The following TNFAIP3 variants were observed in gnomAD, a reference collection of about 807,000 sequenced individuals.
TNFAIP3 encodes the protein tumor necrosis factor alpha-induced protein 3.
TNFAIP3 carries 9 observed loss-of-function variants against 72.4 expected under a neutral mutation model. The ratio of observed to expected loss-of-function variants is 0.12; its 90% CI spans 0.07 to 0.22. The LOEUF is 0.22. TNFAIP3 is among the 10% of genes least tolerant of loss of function. TNFAIP3 has a pLI of 1.00. For synonymous variants in TNFAIP3, 339 were observed against 372.6 expected, an observed-to-expected ratio of 0.91 and a Z score of 1.04; for missense variants, 833 against 1,018.7, an observed-to-expected ratio of 0.82 and a Z score of 2.48.
At chr6:137,875,919 G>A (rs1271546613) in intron 4 of TNFAIP3, 77 bp from the exon 5 acceptor site, 2 of 1,601,674 alleles carry the variant, frequency 1.2e-6, no homozygotes, top group Non-Finnish European at 1.7e-6. Flanking sequence ...CACTGCCAAA[G>A]TTCAGGTAAC....
At chr6:137,870,498 T>C (rs1452483409) in intron 1 of TNFAIP3, among the ~76,000 whole-genome samples, 1 of 152,194 alleles carries the variant, frequency 6.6e-6, no homozygotes, top group East Asian at 1.9e-4. Flanking sequence ...GCTCTTAAAA[T>C]TGCAAAGCAT....
At chr6:137,870,766 G>A (rs1776031777) in intron 1 of TNFAIP3, among the ~76,000 whole-genome samples, 2 of 152,284 alleles carry the variant, frequency 1.3e-5, no homozygotes, top group Admixed American at 1.3e-4. Context: ...GTGGTCTGAG[G>A]GGAGGAGCTA....
chr6:137,880,266 A>G lies in TNFAIP3; in HGVS notation c.2088+14A>G. ...GAAGAGCAACTGGTGAGACACTTGG[A>G]GGAGCTTTCCCTCCCTCCCGTGTGT... On this transcript the variant is annotated intron_variant, in intron 8 of 8. Coordinates refer to ENST00000612899, the MANE Select transcript of TNFAIP3 (RefSeq NM_001270508.2). 2 of 1,613,900 alleles carry G rather than the reference A, an allele frequency of 1.2e-6. No homozygotes were observed. Among genetic ancestry groups the G allele is most frequent in the Non-Finnish European group, 1.7e-6 (2 of 1,179,996 alleles).
chr6:137,874,695 A>T (rs1368474885), intron 2 of TNFAIP3, 150 bp from the exon 3 acceptor site: 20 of 643,470 alleles, frequency 3.1e-5, no homozygotes, highest in Middle Eastern at 4.4e-4. Flanking sequence ...CTTGTGAAAT[A>T]TCAGTTTGCC....
Position 137,879,173 on chromosome 6 carries a change from G to T in TNFAIP3, c.1728G>T (p.Pro576=), listed in dbSNP as rs140120540. 6.2e-7 allele frequency: 1 copy of T among 1,613,944 alleles called. No homozygotes were observed. The highest frequency in any genetic ancestry group is 8.5e-7 in the Non-Finnish European group (1 of 1,180,016). ...DPSRLVRSPS[P]HSCHRAGNDA... is the part of the protein sequence containing the mutation. Reference sequence around the variant, plus strand: ...CGCGGCTCGTCCGGAGCCCCTCCCCGCATTCTTGCCACAGAGCTGGAAACG... The same window carrying T: ...CGCGGCTCGTCCGGAGCCCCTCCCCTCATTCTTGCCACAGAGCTGGAAACG... The change falls in exon 7 of 9, where the codon CCG becomes CCT. Residue 576 remains proline (P), a synonymous_variant. Coordinates refer to ENST00000612899, the MANE Select transcript of TNFAIP3 (RefSeq NM_001270508.2).
At chr6:137,868,526 G>A (rs1478873904) in intron 1 of TNFAIP3, among the ~76,000 whole-genome samples, 1 of 151,848 alleles carries the variant, frequency 6.6e-6, no homozygotes, top group Non-Finnish European at 1.5e-5. Context: ...ATTTGGATGA[G>A]GTATTTGTTG....
rs1776508670 is a variant in TNFAIP3, at chr6:137,882,878, A to AT, written c.*1559_*1560insT. The stretch of plus-strand genomic sequence containing the variant: ...ATTTGCTCTAGAAGAAAAAAAAAAA[A>AT]GGAGGGGAAATGCATTTTCCCCAGA... On this transcript the variant is annotated 3_prime_UTR_variant, in exon 9 of 9. Transcript: ENST00000612899. 1 of 226,072 alleles carries AT rather than the reference A, an allele frequency of 4.4e-6. No individual in the cohort carries two copies. The allele number at this position is 226,072 out of a possible 1,614,324, so 14.0% of individuals were successfully genotyped here.
chr6:137,875,150 C>A, intron 3 of TNFAIP3, 115 bp downstream of exon 3: 1 of 1,220,928 alleles, frequency 8.2e-7, no homozygotes, highest in Admixed American at 2.0e-5. Context: ...ATGAATTTGG[C>A]TAAGCGAAGC....
At chr6:137,869,003 A>G (rs375617323) in intron 1 of TNFAIP3, among the ~76,000 whole-genome samples, 6 of 152,360 alleles carry the variant, frequency 3.9e-5, no homozygotes, top group African/African-American at 1.4e-4. Flanking sequence ...GCAAGCAAAA[A>G]GAGATAACAC....
At position 137,874,969 on chromosome 6, in the gene TNFAIP3, C is replaced by T. The variant is rs760241707; in HGVS notation, c.420C>T (p.Phe140=). 4 of 1,614,100 alleles carry T rather than the reference C, an allele frequency of 2.5e-6. No homozygotes were observed. The highest frequency in any genetic ancestry group is 1.6e-4 in the Middle Eastern group (1 of 6,082). ...LKETDTRNFK[F]RWQLESLKSQ... ...AAACAGACACACGCAACTTTAAATT[C>T]CGCTGGCAACTGGAGTCTCTCAAAT... Residue 140 remains phenylalanine (F), a synonymous_variant, in exon 3 of 9, where the codon TTC becomes TTT. Coordinates refer to ENST00000612899, the MANE Select transcript of TNFAIP3 (RefSeq NM_001270508.2).
chr6:137,866,540 A>G (rs1290594876), upstream of TNFAIP3: 1 of 152,442 alleles, frequency 6.6e-6, no homozygotes, highest in Non-Finnish European at 1.5e-5. Flanking sequence ...AAATGGAGCA[A>G]GCGCGGCATA....
At chr6:137,876,536 C>A (rs1258059962) in intron 5 of TNFAIP3, among the ~76,000 whole-genome samples, 1 of 152,172 alleles carries the variant, frequency 6.6e-6, no homozygotes, top group Non-Finnish European at 1.5e-5. Flanking sequence ...GCCTCCACCC[C>A]CTGGGCTCAA....
intron 2 of TNFAIP3, 67 bp from the exon 3 acceptor site, chr6:137,874,778 A>C: frequency 6.6e-7 from 1 of 1,522,268 alleles, no homozygotes. Context: ...TTATTCTGAA[A>C]ACCTTTGCTG....
intron 6 of TNFAIP3, 100 bp from the exon 7 acceptor site, chr6:137,878,332 A>G (rs1776320293): frequency 4.6e-6 from 5 of 1,084,278 alleles, no homozygotes; most frequent in Non-Finnish European, 6.5e-6. Flanking sequence ...AATTCTTGCC[A>G]TAATCCACAT....
intron 8 of TNFAIP3, 28 bp downstream of exon 8, chr6:137,880,280 C>G (rs1776404445): frequency 6.2e-7 from 1 of 1,612,562 alleles, no homozygotes; most frequent in South Asian, 1.1e-5. Flanking sequence ...GCTTTCCCTC[C>G]CTCCCGTGTG....
At chr6:137,867,109 C>T (rs1775862015), upstream of TNFAIP3, 1 of 150,994 alleles carries the variant, frequency 6.6e-6, no homozygotes, top group Non-Finnish European at 1.5e-5. This position sits in a 1 kb window ranked among gnomAD's most constrained non-coding sequence, Gnocchi z 6.0. Flanking sequence ...CGGGCGGAGG[C>T]CGCGCGCGCC....
At chr6:137,869,701 T>C (rs1023990372) in intron 1 of TNFAIP3, among the ~76,000 whole-genome samples, 2 of 152,224 alleles carry the variant, frequency 1.3e-5, no homozygotes, top group Non-Finnish European at 2.9e-5. Context: ...GTTGAGAGTC[T>C]AGACCCACAC....
chr6:137,869,851 T>C (rs891143756), intron 1 of TNFAIP3, among the ~76,000 whole-genome samples: 2 of 152,222 alleles, frequency 1.3e-5, no homozygotes, highest in Admixed American at 1.3e-4. Context: ...TCCTAGGGAA[T>C]GTCTTTGTGC....
At position 137,867,406 on chromosome 6, in the gene TNFAIP3, C is replaced by A. The variant is rs1775873452; in HGVS notation, c.-152C>A. On this transcript the variant is annotated 5_prime_UTR_variant, in exon 1 of 9. Transcript: ENST00000612899. The surrounding 1 kb of genome is among the most constrained non-coding windows in gnomAD (Gnocchi z 6.0). ...AGGCGTCCATGGAGCGTCGCCTCCG[C>A]CCGGTCCCTGCCCCGACCCCCGCCT... is the stretch of plus-strand genomic sequence containing the variant. 6.5e-6 allele frequency: 1 copy of A among 152,688 alleles called. No individual in the cohort carries two copies. Among genetic ancestry groups the A allele is most frequent in the Non-Finnish European group, 1.5e-5 (1 of 68,322 alleles). The allele number at this position is 152,688 out of a possible 1,614,324, so 9.5% of individuals were successfully genotyped here. A position where few individuals can be genotyped will look rare whatever the true frequency, so the allele number is the denominator to read the frequency against.
Sources: gnomAD v4.1 joint callset for allele counts (sites outside exome capture counted in the v4.1 genomes callset) on GRCh38, gnomAD v4.1.1 for gene constraint, Gnocchi (gnomAD v3.1) non-coding constraint, MANE v1.5 for transcripts, NCBI Gene and HGNC (gene_info 2026-07-23, HGNC 2026-07-21) for gene names.